OTOGL: variants seen among roughly 807,000 people sequenced by gnomAD.
OTOGL encodes otogelin-like protein.
A neutral mutation model predicts 318.5 loss-of-function variants in OTOGL; 285 were observed. That is an observed-to-expected ratio of 0.89 (90% CI 0.81 to 0.99). The LOEUF (loss-of-function observed/expected upper bound fraction) is 0.99, where lower values mean the gene tolerates loss of function less well. Among genes scored for constraint, OTOGL ranks in the 50% least tolerant of loss-of-function variants. The pLI is 0.00. For synonymous variants in OTOGL, 987 were observed against 936.5 expected (o/e 1.05, Z -0.99); for missense variants, 2,899 against 2,845.6 (o/e 1.02, Z -0.43).
At chr12:80,111,221 T>C (rs1374375927) in intron 1 of OTOGL, among the ~76,000 whole-genome samples, 1 of 152,236 alleles carries the variant, frequency 6.6e-6, no homozygotes, top group Non-Finnish European at 1.5e-5. Flanking sequence ...ACTCCAATGA[T>C]AGTTTCTTTT....
At chr12:80,154,464 T>A (rs1268233306) in intron 1 of OTOGL, among the ~76,000 whole-genome samples, 1 of 146,692 alleles carries the variant, frequency 6.8e-6, no homozygotes, top group Non-Finnish European at 1.5e-5. Flanking sequence ...AGCTGCACAA[T>A]CAATCAAATA....
At chr12:80,142,772 G>A (rs1211596730) in intron 1 of OTOGL, among the ~76,000 whole-genome samples, 4 of 152,108 alleles carry the variant, frequency 2.6e-5, no homozygotes, top group Non-Finnish European at 5.9e-5. Context: ...TGGGCCAAAC[G>A]AGGCAGAGAA....
At chr12:80,210,759 A>C (rs958363607) in intron 2 of OTOGL, 88 bp from the exon 3 acceptor site, 3 of 973,998 alleles carry the variant, frequency 3.1e-6, no homozygotes, top group Non-Finnish European at 4.3e-6. Context: ...TTTAGAATTT[A>C]GGTTAAAATG....
intron 29 of OTOGL, among the ~76,000 whole-genome samples, chr12:80,308,186 C>T (rs1479114875): frequency 6.0e-5 from 9 of 149,402 alleles, no homozygotes; most frequent in East Asian, 2.0e-4. Context: ...GGCTGCCGGG[C>T]GGAGACACTC....
At chr12:80,255,932 G>A (rs977522945) in intron 16 of OTOGL, among the ~76,000 whole-genome samples, 1 of 151,406 alleles carries the variant, frequency 6.6e-6, no homozygotes, top group Non-Finnish European at 1.5e-5. Context: ...AATTCTCTTG[G>A]TTCTTTGCTT....
At chr12:80,160,212 A>G (rs1199175275) in intron 1 of OTOGL, among the ~76,000 whole-genome samples, 1 of 152,142 alleles carries the variant, frequency 6.6e-6, no homozygotes, top group East Asian at 1.9e-4. Flanking sequence ...CCAAGAACCC[A>G]AAGCAAATGC....
intron 43 of OTOGL, among the ~76,000 whole-genome samples, chr12:80,340,644 C>G (rs1421258934): frequency 1.3e-5 from 2 of 152,114 alleles, no homozygotes; most frequent in African/African-American, 4.8e-5. Flanking sequence ...GCCCTAAATT[C>G]CTTGACCTCC....
chr12:80,292,074 C>T (rs1027691897), intron 26 of OTOGL, among the ~76,000 whole-genome samples: 11 of 152,008 alleles, frequency 7.2e-5, no homozygotes, highest in African/African-American at 2.7e-4. Flanking sequence ...CCACAACCTC[C>T]ACCTTCTAGG....
intron 24 of OTOGL, 59 bp from the exon 25 acceptor site, chr12:80,278,109 T>C: frequency 7.7e-7 from 1 of 1,293,164 alleles, no homozygotes; most frequent in Non-Finnish European, 1.1e-6. Context: ...AGATTACTGA[T>C]ATTTTAAAAC....
At chr12:80,330,564 C>A (rs1172911832) in intron 37 of OTOGL, among the ~76,000 whole-genome samples, 2 of 152,152 alleles carry the variant, frequency 1.3e-5, no homozygotes, top group African/African-American at 4.8e-5. Context: ...ACTTTGAGTT[C>A]TCTTATATCC....
At chr12:80,117,414 C>T (rs564208689) in intron 1 of OTOGL, among the ~76,000 whole-genome samples, 40 of 152,206 alleles carry the variant, frequency 2.6e-4, no homozygotes, top group African/African-American at 9.2e-4. Flanking sequence ...CTATTTCTTA[C>T]TCTGCAATCA....
intron 4 of OTOGL, among the ~76,000 whole-genome samples, chr12:80,215,468 G>A (rs1877630925): frequency 6.6e-6 from 1 of 151,918 alleles, no homozygotes; most frequent in East Asian, 1.9e-4. Flanking sequence ...CGCCCGGCCT[G>A]CATGTTTACA....
At chr12:80,243,852 CATAT>C (rs771780739) in intron 11 of OTOGL, among the ~76,000 whole-genome samples, 1 of 142,818 alleles carries the variant, frequency 7.0e-6, no homozygotes, top group African/African-American at 2.6e-5. Flanking sequence ...ATCATATATA[CATAT>C]ATATATATAT....
At chr12:80,197,571 G>A (rs1354839179) in intron 1 of OTOGL, among the ~76,000 whole-genome samples, 1 of 152,170 alleles carries the variant, frequency 6.6e-6, no homozygotes, top group Middle Eastern at 3.2e-3. Flanking sequence ...ACTGAAATCT[G>A]TCTATGAATC....
intron 30 of OTOGL, 110 bp downstream of exon 30, chr12:80,310,837 C>A: frequency 1.3e-6 from 1 of 776,366 alleles, no homozygotes; most frequent in Non-Finnish European, 2.0e-6. Context: ...TTTAGATATA[C>A]CACCTAACTA....
At position 80,156,772 on chromosome 12, in the gene OTOGL, T is replaced by C. The variant is rs141406443; in HGVS notation, c.-19-52641T>C. ...AGGCATGTGGAACTGTTAAGTCCAATAAACCTCTTTTTTTCTGTAAATTGC... is the reference window on the plus strand; with the variant it reads ...AGGCATGTGGAACTGTTAAGTCCAACAAACCTCTTTTTTTCTGTAAATTGC... On this transcript the variant is annotated intron_variant, in intron 1 of 58. Transcript: ENST00000547103. Among the ~76,000 whole-genome samples, 413 of 152,274 alleles carry C rather than the reference T, an allele frequency of 2.7e-3. 3 individuals carry two copies. Among genetic ancestry groups the C allele is most frequent in the South Asian group, 0.025 (119 of 4,818 alleles).
At chr12:80,335,778 A>G (rs551634105) in intron 38 of OTOGL, among the ~76,000 whole-genome samples, 185 bp from the exon 39 acceptor site, 1 of 152,302 alleles carries the variant, frequency 6.6e-6, no homozygotes, top group Non-Finnish European at 1.5e-5. Flanking sequence ...TAAATTAAAT[A>G]TACATTGAAT....
intron 11 of OTOGL, among the ~76,000 whole-genome samples, chr12:80,248,873 CT>C (rs951461524): frequency 1.9e-4 from 29 of 148,950 alleles, no homozygotes; most frequent in African/African-American, 7.4e-4. Flanking sequence ...TCTTTTTATT[CT>C]TTTTTCTCTA....
At chr12:80,165,179 G>A (rs1873757045) in intron 1 of OTOGL, among the ~76,000 whole-genome samples, 1 of 152,140 alleles carries the variant, frequency 6.6e-6, no homozygotes, top group Admixed American at 6.5e-5. Context: ...TGTCTGTCCA[G>A]TACTTTTTCT....
Sources: allele counts gnomAD v4.1 joint callset (sites outside exome capture counted in the v4.1 genomes callset), GRCh38; gene constraint gnomAD v4.1.1; transcripts MANE v1.5; gene names NCBI Gene and HGNC (gene_info 2026-07-23, HGNC 2026-07-21).